The following PHF3 variants were observed in gnomAD, a reference collection of about 807,000 sequenced individuals.
PHF3 encodes PHD finger protein 3.
Under a neutral mutation model 178.4 loss-of-function variants are expected in PHF3, and 41 were observed. The observed-to-expected ratio is 0.23, with a 90% CI of 0.18 to 0.30. The LOEUF (loss-of-function observed/expected upper bound fraction) is 0.30, where lower values mean the gene tolerates loss of function less well. Among genes scored for constraint, PHF3 ranks in the 10% least tolerant of loss-of-function variants. The pLI, the probability that PHF3 is intolerant of heterozygous loss-of-function variation, is 1.00. For synonymous variants in PHF3, 842 were observed against 800.5 expected (o/e 1.05, Z -0.88); for missense variants, 2,346 against 2,398.1 (o/e 0.98, Z 0.45).
intron 2 of PHF3, among the ~76,000 whole-genome samples, chr6:63,666,022 G>A (rs1035429215): frequency 7.2e-5 from 11 of 152,086 alleles, no homozygotes; most frequent in African/African-American, 2.4e-4. Context: ...TACTAGTTAA[G>A]TTTGATTTCT....
At chr6:63,674,815 T>C (rs1484816555) in intron 2 of PHF3, among the ~76,000 whole-genome samples, 2 of 152,206 alleles carry the variant, frequency 1.3e-5, no homozygotes, top group East Asian at 3.9e-4. Flanking sequence ...CGTAGAAGTA[T>C]AATAGTTGAG....
At chr6:63,670,770 G>A (rs1765881587) in intron 2 of PHF3, among the ~76,000 whole-genome samples, 1 of 152,318 alleles carries the variant, frequency 6.6e-6, no homozygotes, top group African/African-American at 2.4e-5. Flanking sequence ...TCTAGCACTA[G>A]TGATACATCA....
At chr6:63,676,348 A>T (rs898717660) in intron 2 of PHF3, among the ~76,000 whole-genome samples, 2 of 152,232 alleles carry the variant, frequency 1.3e-5, no homozygotes, top group African/African-American at 4.8e-5. Context: ...TCATATAGAG[A>T]AACATTTTAA....
chr6:63,655,988 T>A (rs1765218431), intron 2 of PHF3, among the ~76,000 whole-genome samples: 1 of 152,168 alleles, frequency 6.6e-6, no homozygotes, highest in African/African-American at 2.4e-5. Context: ...TTTCAAATAT[T>A]TTTCCATAGT....
At chr6:63,693,498 C>A (rs1420323301) in intron 5 of PHF3, among the ~76,000 whole-genome samples, 1 of 152,174 alleles carries the variant, frequency 6.6e-6, no homozygotes, top group Non-Finnish European at 1.5e-5. Flanking sequence ...GCCTGTAATC[C>A]CAGCTGCTTG....
At chr6:63,646,410 C>A in intron 1 of PHF3, 117 bp from the exon 2 acceptor site, 1 of 586,828 alleles carries the variant, frequency 1.7e-6, no homozygotes. Context: ...TTTTAAACAA[C>A]AATTCAGAAA....
intron 8 of PHF3, among the ~76,000 whole-genome samples, chr6:63,699,736 A>G (rs1490918967): frequency 2.0e-5 from 3 of 152,028 alleles, no homozygotes; most frequent in African/African-American, 7.2e-5. Context: ...GATTACAGGC[A>G]CACGCCGCCA....
At chr6:63,705,920 T>C in intron 11 of PHF3, 109 bp from the exon 12 acceptor site, 1 of 746,492 alleles carries the variant, frequency 1.3e-6, no homozygotes, top group Non-Finnish European at 2.1e-6. Context: ...AATGTATGGT[T>C]ACTCAGCAAT....
At chr6:63,648,561 A>G (rs2149541919) in intron 2 of PHF3, among the ~76,000 whole-genome samples, 1 of 152,266 alleles carries the variant, frequency 6.6e-6, no homozygotes, top group South Asian at 2.1e-4. Flanking sequence ...ATTTCTGTTG[A>G]TAATGAAAAG....
chr6:63,649,460 G>A (rs62412944), intron 2 of PHF3, among the ~76,000 whole-genome samples: 1,787 of 152,152 alleles, frequency 0.012, 12 homozygotes, highest in Non-Finnish European at 0.019. Context: ...TATAGACTGT[G>A]GCTATTTTGT....
intron 6 of PHF3, among the ~76,000 whole-genome samples, chr6:63,695,323 G>C (rs1413605195): frequency 2.0e-5 from 3 of 152,140 alleles, no homozygotes; most frequent in Non-Finnish European, 4.4e-5. Context: ...TAGAAGATGA[G>C]TTCAGAGAAA....
At chr6:63,696,556 G>A (rs1394171513) in intron 6 of PHF3, among the ~76,000 whole-genome samples, 1 of 152,188 alleles carries the variant, frequency 6.6e-6, no homozygotes, top group Non-Finnish European at 1.5e-5. Context: ...TGGCCTTCAA[G>A]TGATCTTCCT....
chr6:63,696,031 C>G (rs192165903), intron 6 of PHF3, among the ~76,000 whole-genome samples: 139 of 152,276 alleles, frequency 9.1e-4, no homozygotes, highest in African/African-American at 2.9e-3. Flanking sequence ...ACAGGTTAAA[C>G]ATCCCAAATC....
intron 9 of PHF3, among the ~76,000 whole-genome samples, chr6:63,701,014 G>T (rs1316716347): frequency 1.3e-5 from 2 of 152,148 alleles, no homozygotes; most frequent in African/African-American, 4.8e-5. Flanking sequence ...GTTTGTAAAT[G>T]AGAAGGATGG....
rs752222629 is a variant in PHF3, at chr6:63,685,703, C to G, written c.1981C>G (p.Leu661Val). The G allele has an allele frequency of 1.4e-5, 23 of 1,613,912 alleles. No homozygotes were observed. The highest frequency in any genetic ancestry group is 1.9e-5 in the Non-Finnish European group (23 of 1,180,010). ...TGAGCATTTTAAGGAAGAGGATAAA[C>G]TGAAACTGAAAAAACCTGAGAAGAA... ...GVEHFKEEDK[L>V]KLKKPEKNLQ... is the part of the protein sequence containing the mutation. The change falls in exon 4 of 16, where the codon CTG becomes GTG. Residue 661 changes from leucine to valine, a missense_variant. This residue lies in a region of PHF3 where 843 missense variants were observed against 795.2 expected (regional missense o/e 1.06). Coordinates refer to ENST00000262043, the MANE Select transcript of PHF3 (RefSeq NM_001370348.2).
chr6:63,679,756 G>T (rs1216056294), intron 2 of PHF3: 1 of 512,416 alleles, frequency 2.0e-6, no homozygotes, highest in Non-Finnish European at 3.7e-6. Flanking sequence ...GCTAAATCAG[G>T]AAAGAGTATA....
At chr6:63,652,382 T>C (rs911683789) in intron 2 of PHF3, among the ~76,000 whole-genome samples, 10 of 152,222 alleles carry the variant, frequency 6.6e-5, no homozygotes, top group African/African-American at 2.4e-4. Flanking sequence ...ATTTAAAAAA[T>C]TGGATTGCTT....
Position 63,648,168 on chromosome 6 carries a change from T to C in PHF3, c.244+1373T>C, listed in dbSNP as rs146808192. Among the ~76,000 whole-genome samples the C allele has an allele frequency of 6.8e-3, 1,030 of 152,316 alleles. 23 individuals are homozygous for C. Among genetic ancestry groups the C allele is most frequent in the Admixed American group, 0.053 (813 of 15,292 alleles). ...GTGTATCTCTGAATTATTTATATTA[T>C]GTTGTGTTATTACTTAGGTTTACAT... On this transcript the variant is annotated intron_variant, in intron 2 of 15. Transcript: ENST00000262043.
intron 13 of PHF3, 145 bp downstream of exon 13, chr6:63,707,021 T>C: frequency 5.7e-6 from 4 of 701,818 alleles, no homozygotes; most frequent in Non-Finnish European, 9.2e-6. Context: ...AATTATGAAT[T>C]AACAAATGGA....
Sources: allele counts gnomAD v4.1 joint callset (sites outside exome capture counted in the v4.1 genomes callset), GRCh38; gene constraint gnomAD v4.1.1; regional missense constraint gnomAD v4.1.1; transcripts MANE v1.5; gene names NCBI Gene and HGNC (gene_info 2026-07-23, HGNC 2026-07-21).